Variants in REC114 observed in about 807,000 individuals in gnomAD.
REC114 encodes the protein meiotic recombination protein REC114.
A neutral mutation model predicts 31.3 loss-of-function variants in REC114; 27 were observed. The ratio of observed to expected loss-of-function variants is 0.86; its 90% CI spans 0.64 to 1.19. The LOEUF (loss-of-function observed/expected upper bound fraction) is 1.19. REC114 is among the 50% of genes most tolerant of loss of function. The probability of loss-of-function intolerance (pLI) is 0.00; values close to 1 mark genes in which losing one functional copy is unlikely to be tolerated. For missense variants in REC114, 344 were observed against 326.9 expected, an observed-to-expected ratio of 1.05 and a Z score of -0.40; for synonymous variants, 134 against 127.7, an observed-to-expected ratio of 1.05 and a Z score of -0.33.
chr15:73,556,682 A>G (rs1418367241), intron 5 of REC114, among the ~76,000 whole-genome samples: 1 of 152,156 alleles, frequency 6.6e-6, no homozygotes, highest in Non-Finnish European at 1.5e-5. Flanking sequence ...AAATTTAATC[A>G]CCACTTTCCC....
chr15:73,547,088 C>G (rs1241697278), intron 3 of REC114, among the ~76,000 whole-genome samples: 1 of 151,986 alleles, frequency 6.6e-6, no homozygotes, highest in Non-Finnish European at 1.5e-5. Flanking sequence ...TAAAAAGCTT[C>G]TGCACAGCAA....
At chr15:73,524,593 C>G (rs1893980669) in intron 2 of REC114, among the ~76,000 whole-genome samples, 1 of 152,110 alleles carries the variant, frequency 6.6e-6, no homozygotes, top group East Asian at 1.9e-4. Flanking sequence ...ACGGAGGTTT[C>G]TTTTTATTTT....
At chr15:73,468,678 G>GTTTT (rs567083539) in intron 1 of REC114, among the ~76,000 whole-genome samples, 2 of 138,316 alleles carry the variant, frequency 1.4e-5, no homozygotes, top group African/African-American at 2.6e-5. Flanking sequence ...GTTAGCTGTA[G>GTTTT]TTTTTTTTTT....
intron 2 of REC114, among the ~76,000 whole-genome samples, chr15:73,521,719 A>C (rs1208287291): frequency 1.3e-5 from 2 of 152,180 alleles, no homozygotes; most frequent in African/African-American, 2.4e-5. Context: ...ATTGGATGAA[A>C]TGCACAAATT....
intron 3 of REC114, among the ~76,000 whole-genome samples, chr15:73,542,221 C>T (rs1406232546): frequency 6.6e-6 from 1 of 150,766 alleles, no homozygotes. Context: ...ATCCCAGCTA[C>T]TTGGGAAGCT....
intron 4 of REC114, among the ~76,000 whole-genome samples, chr15:73,555,154 C>T (rs929343851): frequency 5.9e-5 from 9 of 152,190 alleles, no homozygotes; most frequent in African/African-American, 1.9e-4. Context: ...CCATCAGATT[C>T]TCTGTAGGAC....
chr15:73,489,186 T>C (rs2141301543), intron 2 of REC114, among the ~76,000 whole-genome samples: 1 of 148,950 alleles, frequency 6.7e-6, no homozygotes, highest in African/African-American at 2.5e-5. Context: ...ATTTTCTGAA[T>C]GCCCCTCCCC....
At chr15:73,463,546 C>A (rs774935722) in intron 1 of REC114, among the ~76,000 whole-genome samples, 2 of 152,154 alleles carry the variant, frequency 1.3e-5, no homozygotes, top group Non-Finnish European at 2.9e-5. Flanking sequence ...TTAAGCTGGG[C>A]GCTGTGCTTC....
At chr15:73,556,261 A>T (rs371646054) in intron 4 of REC114, 41 bp from the exon 5 acceptor site, 163 of 1,536,948 alleles carry the variant, frequency 1.1e-4, no homozygotes, top group Non-Finnish European at 1.4e-4. Context: ...ATTTAAGATT[A>T]CATTCAGCTA....
In REC114 at chr15:73,490,204, T is replaced by C. The variant is rs907646169; in HGVS notation, c.249+16283T>C. On this transcript the variant is annotated intron_variant, in intron 2 of 5. Coordinates refer to ENST00000331090, the MANE Select transcript of REC114 (RefSeq NM_001042367.2). ...AAAGTTGTCAGTGCTCAGATGTCCATGAAATTATTCTTTTGCCAAGCTTTT... is the reference window on the plus strand; with the variant it reads ...AAAGTTGTCAGTGCTCAGATGTCCACGAAATTATTCTTTTGCCAAGCTTTT... Among the ~76,000 whole-genome samples the C allele has an allele frequency of 4.6e-5, 7 of 152,248 alleles. No homozygotes were observed. In the South Asian group the frequency reaches 1.4e-3, roughly 31 times the overall value.
chr15:73,537,147 A>C (rs1894166605), intron 2 of REC114, among the ~76,000 whole-genome samples: 2 of 152,352 alleles, frequency 1.3e-5, no homozygotes, highest in African/African-American at 4.8e-5. Context: ...TGGGGCTTAT[A>C]GTCTAGTGAA....
intron 5 of REC114, among the ~76,000 whole-genome samples, chr15:73,559,028 T>C (rs757323251): frequency 1.3e-5 from 2 of 152,258 alleles, no homozygotes; most frequent in Non-Finnish European, 2.9e-5. Flanking sequence ...TTCATTATGC[T>C]AAGTGTAAGA....
At chr15:73,522,730 G>A (rs748978083) in intron 2 of REC114, among the ~76,000 whole-genome samples, 6 of 152,016 alleles carry the variant, frequency 3.9e-5, no homozygotes, top group Non-Finnish European at 7.4e-5. Flanking sequence ...AGAATAAAAC[G>A]GTTATAAACA....
chr15:73,505,821 C>T (rs868746462), intron 2 of REC114, among the ~76,000 whole-genome samples: 3 of 152,244 alleles, frequency 2.0e-5, no homozygotes, highest in African/African-American at 4.8e-5. Context: ...CGTGAGCCAC[C>T]GCGCCCGGCC....
chr15:73,539,164 C>A (rs909396730), intron 2 of REC114, among the ~76,000 whole-genome samples: 2 of 150,374 alleles, frequency 1.3e-5, no homozygotes, highest in Admixed American at 6.7e-5. Flanking sequence ...ATCAACATTT[C>A]TTTTTGCTAA....
At chr15:73,531,454 A>T (rs929091568) in intron 2 of REC114, among the ~76,000 whole-genome samples, 13 of 152,220 alleles carry the variant, frequency 8.5e-5, no homozygotes, top group Non-Finnish European at 1.6e-4. Context: ...AACGCACTTC[A>T]TAATTTATAA....
intron 1 of REC114, among the ~76,000 whole-genome samples, chr15:73,462,955 T>C (rs1200411104): frequency 6.6e-6 from 1 of 151,802 alleles, no homozygotes; most frequent in Non-Finnish European, 1.5e-5. Flanking sequence ...ATCCACTTCC[T>C]TCTCATCATG....
intron 2 of REC114, among the ~76,000 whole-genome samples, chr15:73,495,002 T>G (rs1259510672): frequency 6.6e-6 from 1 of 152,246 alleles, no homozygotes. Flanking sequence ...GAATTTCTTG[T>G]CTCTCTTTCA....
chr15:73,524,555 C>T (rs1376683321), intron 2 of REC114, among the ~76,000 whole-genome samples: 3 of 152,150 alleles, frequency 2.0e-5, no homozygotes, highest in African/African-American at 7.2e-5. Flanking sequence ...TACCAAAACT[C>T]TTGTGCCCAG....
Sources: gnomAD v4.1 joint callset for allele counts (sites outside exome capture counted in the v4.1 genomes callset) on GRCh38, gnomAD v4.1.1 for gene constraint, MANE v1.5 for transcripts, NCBI Gene and HGNC (gene_info 2026-07-23, HGNC 2026-07-21) for gene names.